CHODL: variants seen among roughly 807,000 people sequenced by gnomAD.
CHODL encodes the protein transmembrane protein MT75.
Under a neutral mutation model 34.5 loss-of-function variants are expected in CHODL, and 29 were observed. That is an observed-to-expected ratio of 0.84 (90% CI 0.63 to 1.15). The LOEUF (loss-of-function observed/expected upper bound fraction) is 1.15, where lower values mean the gene tolerates loss of function less well. CHODL is among the 50% of genes most tolerant of loss of function. The probability of loss-of-function intolerance (pLI) is 0.00; values close to 1 mark genes in which losing one functional copy is unlikely to be tolerated. For synonymous variants in CHODL, 125 were observed against 116.1 expected, an observed-to-expected ratio of 1.08 and a Z score of -0.49; for missense variants, 332 against 332.5, an observed-to-expected ratio of 1.00 and a Z score of 0.01.
At chr21:18,189,538 G>T (rs1474020794) in intron 2 of CHODL, among the ~76,000 whole-genome samples, 1 of 151,902 alleles carries the variant, frequency 6.6e-6, no homozygotes, top group African/African-American at 2.4e-5. Flanking sequence ...TGCATGGGAG[G>T]GAGTTTTATG....
rs576490480 is a variant in CHODL at position 17,919,182 on chromosome 21, T to C, written c.-145+1782T>C. Among the ~76,000 whole-genome samples the C allele has an allele frequency of 5.3e-4, 81 of 152,330 alleles. 1 individual carries two copies. Among genetic ancestry groups the C allele is most frequent in the African/African-American group, 1.8e-3 (76 of 41,590 alleles). ...TACCATTCTGGGGTCTGGAGGATGATGGCCCTCTTCTCACAGCTGCACTAG... is the reference window on the plus strand; with the variant it reads ...TACCATTCTGGGGTCTGGAGGATGACGGCCCTCTTCTCACAGCTGCACTAG... On this transcript the variant is annotated intron_variant, in intron 1 of 6. Coordinates refer to the CHODL transcript ENST00000400127.
intron 2 of CHODL, among the ~76,000 whole-genome samples, chr21:18,043,907 C>T (rs2064408321): frequency 6.6e-6 from 1 of 151,900 alleles, no homozygotes; most frequent in South Asian, 2.1e-4. Context: ...GGGGAAACCC[C>T]TTATTAAACC....
chr21:18,078,982 G>C (rs2146510296), intron 2 of CHODL, among the ~76,000 whole-genome samples: 1 of 152,124 alleles, frequency 6.6e-6, no homozygotes, highest in South Asian at 2.1e-4. Flanking sequence ...CTTTTTATTT[G>C]TTTATTTGCA....
intron 2 of CHODL, among the ~76,000 whole-genome samples, chr21:18,163,274 A>C (rs2824669): frequency 0.45 from 67,725 of 152,092 alleles, 16,811 homozygotes; most frequent in Middle Eastern, 0.6. Context: ...TGGAGGAATC[A>C]AGTGTTTCTC....
intron 2 of CHODL, among the ~76,000 whole-genome samples, chr21:18,117,421 G>T (rs2065425882): frequency 6.6e-6 from 1 of 152,186 alleles, no homozygotes; most frequent in Admixed American, 6.5e-5. Context: ...TATTCCCTCT[G>T]TGTTGCAAAC....
intron 2 of CHODL, among the ~76,000 whole-genome samples, chr21:18,101,823 G>C (rs1486924256): frequency 2.0e-5 from 3 of 151,578 alleles, no homozygotes; most frequent in Non-Finnish European, 2.9e-5. Context: ...TGAAAAATGA[G>C]AGAAATATAT....
chr21:18,210,743 C>G (rs936206598), intron 2 of CHODL, among the ~76,000 whole-genome samples: 10 of 152,158 alleles, frequency 6.6e-5, no homozygotes, highest in African/African-American at 2.4e-4. Flanking sequence ...TGCAAAGTCT[C>G]CTAATCATGA....
chr21:18,016,509 G>C (rs158060), intron 1 of CHODL, among the ~76,000 whole-genome samples: 5,408 of 152,310 alleles, frequency 0.036, 263 homozygotes, highest in African/African-American at 0.11. Flanking sequence ...AAGCCCAGGC[G>C]CATGACCTTG....
chr21:18,111,267 A>G (rs951495110), intron 2 of CHODL, among the ~76,000 whole-genome samples: 4 of 152,226 alleles, frequency 2.6e-5, no homozygotes, highest in African/African-American at 9.6e-5. Flanking sequence ...ACACCTGAAG[A>G]TGGAGGCAGG....
intron 2 of CHODL, among the ~76,000 whole-genome samples, chr21:18,071,769 C>T (rs2064808345): frequency 6.6e-6 from 1 of 152,074 alleles, no homozygotes; most frequent in Admixed American, 6.6e-5. Flanking sequence ...CATTCTATTT[C>T]CATAAATCAT....
chr21:18,094,451 C>A (rs939481579), intron 2 of CHODL, among the ~76,000 whole-genome samples: 1 of 152,172 alleles, frequency 6.6e-6, no homozygotes, highest in South Asian at 2.1e-4. Flanking sequence ...CAAGGATAAA[C>A]CATATGTTAG....
chr21:18,091,184 TC>T (rs967278304), intron 2 of CHODL, among the ~76,000 whole-genome samples: 3 of 152,216 alleles, frequency 2.0e-5, no homozygotes, highest in Non-Finnish European at 4.4e-5. Flanking sequence ...TAATTGCCCA[TC>T]CCAGCAATTG....
chr21:18,024,271 A>G (rs1043150367), intron 1 of CHODL, among the ~76,000 whole-genome samples: 7 of 152,312 alleles, frequency 4.6e-5, no homozygotes, highest in African/African-American at 1.4e-4. Flanking sequence ...TTGTTTGCCT[A>G]TACACTACTG....
chr21:18,119,346 C>T (rs2255835), intron 2 of CHODL, among the ~76,000 whole-genome samples: 48,311 of 151,726 alleles, frequency 0.32, 8,940 homozygotes, highest in East Asian at 0.7. Flanking sequence ...TCCCCGTTTG[C>T]TTACCCTATG....
At chr21:18,095,260 C>A (rs887796718) in intron 2 of CHODL, among the ~76,000 whole-genome samples, 3 of 151,986 alleles carry the variant, frequency 2.0e-5, no homozygotes, top group Non-Finnish European at 4.4e-5. Context: ...AACCTTTAGA[C>A]AGACAAACTG....
At chr21:18,122,848 A>G (rs1213863311) in intron 2 of CHODL, among the ~76,000 whole-genome samples, 1 of 152,222 alleles carries the variant, frequency 6.6e-6, no homozygotes, top group Non-Finnish European at 1.5e-5. Context: ...AAGTGATTTC[A>G]TTAATCATTT....
intron 2 of CHODL, among the ~76,000 whole-genome samples, chr21:18,165,810 A>G (rs1601093538): frequency 6.6e-6 from 1 of 152,326 alleles, no homozygotes; most frequent in East Asian, 1.9e-4. Flanking sequence ...AGTGTATTGA[A>G]TCTAAATGAC....
chr21:18,214,201 A>T (rs2073801207), intron 2 of CHODL, among the ~76,000 whole-genome samples: 2 of 151,930 alleles, frequency 1.3e-5, no homozygotes, highest in Admixed American at 1.3e-4. Context: ...TCCCCTCTTG[A>T]CCTTCATAAG....
intron 2 of CHODL, among the ~76,000 whole-genome samples, chr21:18,174,552 A>G (rs1245046965): frequency 6.6e-6 from 1 of 152,156 alleles, no homozygotes; most frequent in East Asian, 1.9e-4. Flanking sequence ...TTTTTTGAAG[A>G]TACAATTATT....
Sources: gnomAD v4.1 joint callset for allele counts (sites outside exome capture counted in the v4.1 genomes callset) on GRCh38, gnomAD v4.1.1 for gene constraint, MANE v1.5 for transcripts, NCBI Gene and HGNC (gene_info 2026-07-23, HGNC 2026-07-21) for gene names.